Variants in SIK3 observed in about 807,000 individuals in gnomAD.
SIK3 encodes serine/threonine-protein kinase SIK3.
In SIK3, 28 loss-of-function variants were observed where a neutral mutation model predicts 144.2. The ratio of observed to expected loss-of-function variants is 0.19; its 90% CI spans 0.14 to 0.27. The LOEUF is 0.27. SIK3 is among the 10% of genes least tolerant of loss of function. SIK3 has a pLI of 1.00. For missense variants in SIK3, 1,319 were observed against 1,776.0 expected, an observed-to-expected ratio of 0.74 and a Z score of 4.62; for synonymous variants, 686 against 676.3, an observed-to-expected ratio of 1.01 and a Z score of -0.22.
intron 1 of SIK3, among the ~76,000 whole-genome samples, chr11:117,049,953 CTG>C (rs1454817582): frequency 1.4e-5 from 1 of 72,434 alleles, no homozygotes; most frequent in Non-Finnish European, 3.0e-5. Flanking sequence ...GAGCGAAAAC[CTG>C]TCTCTTAAAA....
Position 116,849,329 on chromosome 11 carries a change from C to T in SIK3, c.3656-46G>A. 6.2e-7 allele frequency: 1 copy of T among 1,609,542 alleles called. No individual in the cohort carries two copies. The highest frequency in any genetic ancestry group is 8.5e-7 in the Non-Finnish European group (1 of 1,177,204). ...AGAGTCAGTGGGGCGGAACTTCTCCCAGCACTGGAAACTCCCATCCAAGAA... is the reference window on the plus strand; with the variant it reads ...AGAGTCAGTGGGGCGGAACTTCTCCTAGCACTGGAAACTCCCATCCAAGAA... On this transcript the variant is annotated intron_variant, in intron 21 of 24. Transcript: ENST00000445177. The surrounding 1 kb of genome is among the most constrained non-coding windows in gnomAD (Gnocchi z 4.2).
chr11:117,091,220 T>TG (rs1242804662), intron 1 of SIK3, among the ~76,000 whole-genome samples: 1 of 143,914 alleles, frequency 6.9e-6, no homozygotes, highest in Non-Finnish European at 1.5e-5. Context: ...TTTTTTTTTT[T>TG]TGAGACGGAG....
rs570407868 is a variant in SIK3 at position 116,846,480 on chromosome 11, G to A, written c.4026C>T (p.Cys1342=). The A allele has an allele frequency of 1.3e-5, 21 of 1,614,244 alleles. No individual in the cohort carries two copies. The highest frequency in any genetic ancestry group is 1.8e-5 in the Non-Finnish European group (21 of 1,180,046). ...TGTCTGTAATACACGTAGATGGATAGCAAGAGGAGTTTAAATGCTGGCTGC... is the reference window on the plus strand; with the variant it reads ...TGTCTGTAATACACGTAGATGGATAACAAGAGGAGTTTAAATGCTGGCTGC... The part of the protein sequence containing the change: ...SDGSQHLNSS[C]YPSTCITDIL... The change falls in exon 24 of 25, where the codon TGC becomes TGT. Residue 1342 remains cysteine, a synonymous_variant. Coordinates refer to ENST00000445177, the MANE Select transcript of SIK3 (RefSeq NM_001366686.3). The surrounding 1 kb of genome is among the most constrained non-coding windows in gnomAD (Gnocchi z 4.1).
chr11:116,907,445 A>C (rs534362328), intron 4 of SIK3, among the ~76,000 whole-genome samples: 1 of 152,320 alleles, frequency 6.6e-6, no homozygotes, highest in Non-Finnish European at 1.5e-5. Flanking sequence ...TCAGGAGTTT[A>C]AGACCAGCCT....
intron 4 of SIK3, among the ~76,000 whole-genome samples, chr11:116,897,911 T>C (rs1945502323): frequency 6.6e-6 from 1 of 151,288 alleles, no homozygotes; most frequent in South Asian, 2.1e-4. Flanking sequence ...CAAATGAAAC[T>C]GGATGATGTT....
intron 1 of SIK3, among the ~76,000 whole-genome samples, chr11:116,996,745 G>C (rs1296442665): frequency 6.7e-6 from 1 of 148,360 alleles, no homozygotes; most frequent in Admixed American, 6.8e-5. Context: ...GCTTGAACTC[G>C]GGAGGCGGAG....
intron 1 of SIK3, among the ~76,000 whole-genome samples, chr11:117,076,341 T>A (rs1388555602): frequency 6.6e-6 from 1 of 152,136 alleles, no homozygotes; most frequent in Non-Finnish European, 1.5e-5. Flanking sequence ...AAATCATTAA[T>A]TTGAACTCCA....
chr11:116,861,608 G>A (rs1409658986), intron 18 of SIK3, among the ~76,000 whole-genome samples: 1 of 152,192 alleles, frequency 6.6e-6, no homozygotes, highest in Non-Finnish European at 1.5e-5. Context: ...GTGGGCCTAT[G>A]TCTGGCTCCT....
chr11:116,978,881 T>C (rs915696333), intron 1 of SIK3, among the ~76,000 whole-genome samples: 2 of 152,214 alleles, frequency 1.3e-5, no homozygotes, highest in African/African-American at 4.8e-5. Flanking sequence ...ATGCATGTAG[T>C]GGCACTTAAA....
chr11:116,994,492 T>C (rs769607061), intron 1 of SIK3, among the ~76,000 whole-genome samples: 5 of 152,214 alleles, frequency 3.3e-5, no homozygotes, highest in African/African-American at 4.8e-5. Flanking sequence ...TCTCACTTGT[T>C]ACGGTGAGGA....
chr11:117,017,800 T>C (rs1353312568), intron 1 of SIK3, among the ~76,000 whole-genome samples: 1 of 152,136 alleles, frequency 6.6e-6, no homozygotes, highest in Non-Finnish European at 1.5e-5. Context: ...TCCTCATCTG[T>C]CTGAGAAAAT....
At chr11:117,057,454 A>C (rs563339048) in intron 1 of SIK3, among the ~76,000 whole-genome samples, 1 of 152,216 alleles carries the variant, frequency 6.6e-6, no homozygotes, top group Non-Finnish European at 1.5e-5. Flanking sequence ...ATCACACTGA[A>C]ACCCTCTATT....
intron 1 of SIK3, among the ~76,000 whole-genome samples, chr11:117,003,023 G>A (rs1043334809): frequency 9.2e-5 from 14 of 152,330 alleles, no homozygotes; most frequent in African/African-American, 3.4e-4. Context: ...CATACACGCC[G>A]TGTCAAGTAA....
rs554134911 is a variant in SIK3, at chr11:116,844,672, ATATAT to A, written c.*966_*970del. 428 of 113,640 alleles carry A rather than the reference ATATAT, an allele frequency of 3.8e-3. 5 individuals are homozygous for A. Among genetic ancestry groups the A allele is most frequent in the African/African-American group, 0.013 (333 of 25,232 alleles). 7.0% of individuals were successfully genotyped at this position (113,640 alleles called of 1,614,324 possible). A position where few individuals can be genotyped will look rare whatever the true frequency, so the allele number is the denominator to read the frequency against. On this transcript the variant is annotated 3_prime_UTR_variant, in exon 25 of 25. Coordinates refer to ENST00000445177, the MANE Select transcript of SIK3 (RefSeq NM_001366686.3). The stretch of plus-strand genomic sequence containing the variant: ...TTATATATATAATATATATATACAC[ATATAT>A]TATATTATATATATACACACATATA...
At chr11:117,014,714 A>T (rs1428705785) in intron 1 of SIK3, among the ~76,000 whole-genome samples, 3 of 152,214 alleles carry the variant, frequency 2.0e-5, no homozygotes, top group Non-Finnish European at 4.4e-5. Flanking sequence ...ACATTATGCA[A>T]TGATTACCAT....
chr11:116,915,322 C>A (rs1946577132), intron 4 of SIK3, among the ~76,000 whole-genome samples: 1 of 152,010 alleles, frequency 6.6e-6, no homozygotes, highest in African/African-American at 2.4e-5. Context: ...TTGGAAGCCA[C>A]AAATATACTG....
chr11:116,950,810 G>A (rs926852430), intron 3 of SIK3, among the ~76,000 whole-genome samples: 3 of 152,206 alleles, frequency 2.0e-5, no homozygotes, highest in Non-Finnish European at 4.4e-5. Flanking sequence ...TAGCCTGGAC[G>A]GGAATTTCCA....
chr11:116,984,806 A>G (rs1305154145), intron 1 of SIK3, among the ~76,000 whole-genome samples: 1 of 152,156 alleles, frequency 6.6e-6, no homozygotes, highest in Non-Finnish European at 1.5e-5. Context: ...GTTTCTTCTC[A>G]TAACTGAAGA....
chr11:116,989,641 A>T (rs1181284350), intron 1 of SIK3, among the ~76,000 whole-genome samples: 6 of 152,160 alleles, frequency 3.9e-5, no homozygotes, highest in African/African-American at 2.4e-5. Context: ...TGGAAAAATT[A>T]AAATGAAAAA....
Sources: allele counts gnomAD v4.1 joint callset (sites outside exome capture counted in the v4.1 genomes callset), GRCh38; gene constraint gnomAD v4.1.1; non-coding constraint Gnocchi (gnomAD v3.1); transcripts MANE v1.5; gene names NCBI Gene and HGNC (gene_info 2026-07-23, HGNC 2026-07-21).